The following ZPBP variants were observed in gnomAD, a reference collection of about 807,000 sequenced individuals.
ZPBP encodes the protein zona pellucida binding protein.
Under a neutral mutation model 44.8 loss-of-function variants are expected in ZPBP, and 26 were observed. That is an observed-to-expected ratio of 0.58 (90% confidence interval 0.43 to 0.81). The LOEUF (loss-of-function observed/expected upper bound fraction) is 0.81, where lower values mean the gene tolerates loss of function less well. ZPBP is among the 30% of genes least tolerant of loss of function. ZPBP has a pLI of 0.00. For synonymous variants in ZPBP, 174 were observed against 153.2 expected (o/e 1.14, Z -1.00); for missense variants, 409 against 434.0 (o/e 0.94, Z 0.51).
At chr7:49,951,284 A>G (rs887513352) in intron 7 of ZPBP, among the ~76,000 whole-genome samples, 1 of 151,798 alleles carries the variant, frequency 6.6e-6, no homozygotes, top group Admixed American at 6.6e-5. Flanking sequence ...AGCAGAGAAC[A>G]GGTAAAAATA....
intron 1 of ZPBP, among the ~76,000 whole-genome samples, chr7:50,091,791 T>C (rs1010681392): frequency 5.3e-5 from 8 of 152,198 alleles, no homozygotes; most frequent in Middle Eastern, 3.2e-3. Context: ...AGGGGCAGTA[T>C]AAAAATGCAA....
chr7:49,890,347 G>T (rs1792075466), intron 2 of ZPBP, among the ~76,000 whole-genome samples: 1 of 152,152 alleles, frequency 6.6e-6, no homozygotes, highest in South Asian at 2.1e-4. Flanking sequence ...AGGACCATCA[G>T]GAAGACAAAA....
intron 4 of ZPBP, among the ~76,000 whole-genome samples, chr7:50,039,549 A>G (rs1174704636): frequency 6.6e-6 from 1 of 152,178 alleles, no homozygotes; most frequent in Non-Finnish European, 1.5e-5. Flanking sequence ...TTTATATATA[A>G]CATATAAATT....
At chr7:50,059,973 G>A (rs772447921) in intron 3 of ZPBP, among the ~76,000 whole-genome samples, 1 of 152,014 alleles carries the variant, frequency 6.6e-6, no homozygotes, top group African/African-American at 2.4e-5. Flanking sequence ...TCAGAAGGAA[G>A]GCATTGAGAG....
intron 1 of ZPBP, among the ~76,000 whole-genome samples, chr7:49,927,259 C>T (rs1254261688): frequency 6.6e-6 from 1 of 152,130 alleles, no homozygotes; most frequent in Non-Finnish European, 1.5e-5. Flanking sequence ...TTATTTTGTG[C>T]CAGCTGGTTC....
chr7:49,892,938 C>T (rs1212639190), intron 2 of ZPBP, among the ~76,000 whole-genome samples: 1 of 98,870 alleles, frequency 1.0e-5, no homozygotes, highest in East Asian at 3.9e-4. Flanking sequence ...CTGAAAAGAT[C>T]TTCAATGAAG....
At chr7:50,030,556 T>C (rs1443455348) in intron 5 of ZPBP, among the ~76,000 whole-genome samples, 1 of 151,666 alleles carries the variant, frequency 6.6e-6, no homozygotes, top group Non-Finnish European at 1.5e-5. Context: ...ACATTTGAGA[T>C]GAAAGGGGAA....
chr7:50,003,221 C>A (rs1337772127), intron 6 of ZPBP, among the ~76,000 whole-genome samples: 2 of 152,122 alleles, frequency 1.3e-5, no homozygotes, highest in Admixed American at 1.3e-4. Flanking sequence ...AACAAGACAG[C>A]AGACTAGGAA....
chr7:50,089,376 T>G (rs1233751037), intron 2 of ZPBP, among the ~76,000 whole-genome samples: 3 of 152,036 alleles, frequency 2.0e-5, no homozygotes, highest in African/African-American at 7.2e-5. Flanking sequence ...TATTATATAA[T>G]AAAAATCCAC....
At chr7:50,087,456 T>C (rs1057427881) in intron 2 of ZPBP, among the ~76,000 whole-genome samples, 1 of 151,942 alleles carries the variant, frequency 6.6e-6, no homozygotes, top group Admixed American at 6.6e-5. Context: ...TTAGCAAAAT[T>C]CAACCCCTTT....
chr7:49,928,872 T>A (rs533321459), intron 1 of ZPBP, among the ~76,000 whole-genome samples: 2 of 152,350 alleles, frequency 1.3e-5, no homozygotes, highest in East Asian at 3.9e-4. Context: ...CAAAAGCTGT[T>A]TCTCAAAAGG....
At chr7:49,925,810 T>C (rs1794215850) in intron 1 of ZPBP, among the ~76,000 whole-genome samples, 2 of 152,234 alleles carry the variant, frequency 1.3e-5, no homozygotes, top group Non-Finnish European at 2.9e-5. Context: ...CCACTGTCTT[T>C]CAGATCTCCC....
rs141169014 is a variant in ZPBP, at chr7:50,037,630, G to A, written c.488-6320C>T. On this transcript the variant is annotated intron_variant, in intron 4 of 7. Coordinates refer to ENST00000046087, the MANE Select transcript of ZPBP (RefSeq NM_007009.3). ...TATCACAAGCACAAGGAGGAAATCC[G>A]CCCCCATGATCTAATCACCTCCCAA... Among the ~76,000 whole-genome samples the A allele has an allele frequency of 4.1e-3, 629 of 152,182 alleles. 2 individuals carry two copies. Among genetic ancestry groups the A allele is most frequent in the Non-Finnish European group, 6.3e-3 (430 of 68,020 alleles).
At chr7:49,978,081 G>T (rs75267619) in intron 7 of ZPBP, among the ~76,000 whole-genome samples, 2 of 143,440 alleles carry the variant, frequency 1.4e-5, no homozygotes, top group South Asian at 4.4e-4. Flanking sequence ...TTGGTTTTTT[G>T]TTTTTTTTTT....
At chr7:49,971,661 T>G (rs984353942) in intron 7 of ZPBP, among the ~76,000 whole-genome samples, 1 of 152,130 alleles carries the variant, frequency 6.6e-6, no homozygotes, top group Admixed American at 6.5e-5. Context: ...GTTTCACTAG[T>G]AATTTCAAAC....
At chr7:50,026,457 C>T (rs1799337425) in intron 5 of ZPBP, among the ~76,000 whole-genome samples, 1 of 151,832 alleles carries the variant, frequency 6.6e-6, no homozygotes, top group Non-Finnish European at 1.5e-5. Flanking sequence ...CTCCACCCAA[C>T]AACAGGAGAA....
In ZPBP at chr7:49,864,258, A is replaced by C. The variant is rs147381372; in HGVS notation, n.510-13744T>G. Among the ~76,000 whole-genome samples the C allele has an allele frequency of 4.0e-3, 605 of 151,862 alleles. 7 individuals carry two copies. The highest frequency in any genetic ancestry group is 0.014 in the African/African-American group (565 of 41,108). ...GGAAAGAGAGGAAGACAGAGAAAGA[A>C]GACAAAGAAGGAGGGAGGAGAAGAT... On this transcript the variant is annotated intron_variant and non_coding_transcript_variant, in intron 2 of 2. Transcript: ENST00000465922.
At chr7:50,003,627 C>T (rs1297676899) in intron 6 of ZPBP, among the ~76,000 whole-genome samples, 1 of 151,962 alleles carries the variant, frequency 6.6e-6, no homozygotes, top group African/African-American at 2.4e-5. Context: ...AGATTGGAGG[C>T]CACTGACAGC....
intron 2 of ZPBP, among the ~76,000 whole-genome samples, chr7:50,087,006 G>A (rs1802695582): frequency 6.6e-6 from 1 of 152,018 alleles, no homozygotes; most frequent in African/African-American, 2.4e-5. Flanking sequence ...AAGTCATAAT[G>A]AAATAGAAAG....
Sources: allele counts gnomAD v4.1 joint callset (sites outside exome capture counted in the v4.1 genomes callset), GRCh38; gene constraint gnomAD v4.1.1; transcripts MANE v1.5; gene names NCBI Gene and HGNC (gene_info 2026-07-23, HGNC 2026-07-21).